Variants in CACNA2D3 observed in about 807,000 individuals in gnomAD.
The protein encoded by CACNA2D3 is calcium voltage-gated channel auxiliary subunit alpha2delta 3, also known as voltage-dependent calcium channel subunit alpha-2/delta-3.
In CACNA2D3, 60 loss-of-function variants were observed where a neutral mutation model predicts 160.6. The observed-to-expected ratio is 0.37, with a 90% CI of 0.30 to 0.46. The LOEUF is 0.46. Among genes scored for constraint, CACNA2D3 ranks in the 20% least tolerant of loss-of-function variants. The pLI is 1.00. For missense variants in CACNA2D3, 1,205 were observed against 1,365.0 expected (o/e 0.88, Z 1.85); for synonymous variants, 558 against 492.9 (o/e 1.13, Z -1.75).
intron 3 of CACNA2D3, among the ~76,000 whole-genome samples, chr3:54,324,285 A>G (rs1237586401): frequency 6.6e-6 from 1 of 152,098 alleles, no homozygotes; most frequent in African/African-American, 2.4e-5. Flanking sequence ...CTCATCTCCT[A>G]TTTGAATTAC....
At chr3:54,618,095 T>C (rs1698895141) in intron 9 of CACNA2D3, among the ~76,000 whole-genome samples, 1 of 151,884 alleles carries the variant, frequency 6.6e-6, no homozygotes, top group Non-Finnish European at 1.5e-5. Flanking sequence ...GCCTACTATA[T>C]GCTGAACTCT....
chr3:54,842,631 G>T, intron 16 of CACNA2D3, among the ~76,000 whole-genome samples: 1 of 135,764 alleles, frequency 7.4e-6, no homozygotes, highest in African/African-American at 2.8e-5. Flanking sequence ...GACAGGGTCT[G>T]GCTCTGTCAC....
At chr3:54,536,161 A>G (rs188352412) in intron 5 of CACNA2D3, among the ~76,000 whole-genome samples, 8 of 152,256 alleles carry the variant, frequency 5.3e-5, no homozygotes, top group African/African-American at 1.9e-4. Context: ...CTCTAATCCT[A>G]TGATATAGAG....
chr3:54,348,064 A>T (rs1164662877), intron 3 of CACNA2D3, among the ~76,000 whole-genome samples: 1 of 152,194 alleles, frequency 6.6e-6, no homozygotes, highest in Non-Finnish European at 1.5e-5. Context: ...GAATTCTGAG[A>T]TTATTCTGCT....
intron 4 of CACNA2D3, among the ~76,000 whole-genome samples, chr3:54,450,224 C>T (rs898476307): frequency 2.6e-5 from 4 of 152,092 alleles, no homozygotes; most frequent in South Asian, 4.1e-4. Context: ...TGGTTCTAAA[C>T]GATAGAATTC....
intron 2 of CACNA2D3, among the ~76,000 whole-genome samples, chr3:54,127,579 C>G (rs1203008778): frequency 6.6e-6 from 1 of 152,164 alleles, no homozygotes; most frequent in Non-Finnish European, 1.5e-5. Context: ...CGCTGTTTTG[C>G]TAACATTTTG....
rs41277453 is a variant in CACNA2D3, at chr3:54,837,225, G to A, written c.1465G>A (p.Glu489Lys). ...VAMPVFSKQN[E>K]TRSKGILLGV... ...CATGCCTGTGTTTAGTAAGCAGAAC[G>A]AAACCGTGAGTACAGTCGCTGAGCT... The change falls in exon 15 of 38, where the codon GAA (glutamate) becomes AAA (lysine). Residue 489 changes from glutamate (E) to lysine (K), a missense_variant. Glu to Lys is a moderately conservative substitution (Grantham distance 56, BLOSUM62 1). This residue lies in a region of CACNA2D3 where 911 missense variants were observed against 1,002.2 expected (regional missense o/e 0.91). Coordinates refer to ENST00000474759, the MANE Select transcript of CACNA2D3 (RefSeq NM_018398.3). 312 of 1,613,782 alleles carry A rather than the reference G, an allele frequency of 1.9e-4. No individual in the cohort carries two copies. Among genetic ancestry groups the A allele is most frequent in the Non-Finnish European group, 2.3e-4 (269 of 1,179,696 alleles).
intron 2 of CACNA2D3, among the ~76,000 whole-genome samples, chr3:54,191,889 G>A (rs544638365): frequency 6.6e-6 from 1 of 152,298 alleles, no homozygotes; most frequent in East Asian, 1.9e-4. Flanking sequence ...TGCTGTTGTT[G>A]ATTATATTGC....
At chr3:54,433,394 T>A (rs1022192244) in intron 4 of CACNA2D3, among the ~76,000 whole-genome samples, 1 of 152,240 alleles carries the variant, frequency 6.6e-6, no homozygotes, top group Non-Finnish European at 1.5e-5. Context: ...AGAGCTTTCA[T>A]CTTCAGATAT....
At chr3:54,417,367 C>T (rs1352673679) in intron 4 of CACNA2D3, among the ~76,000 whole-genome samples, 2 of 152,112 alleles carry the variant, frequency 1.3e-5, no homozygotes, top group Non-Finnish European at 2.9e-5. Context: ...TCTTTAGTAG[C>T]CAGAGATTCT....
chr3:54,977,024 T>A (rs552044475), intron 29 of CACNA2D3, among the ~76,000 whole-genome samples: 2 of 152,334 alleles, frequency 1.3e-5, no homozygotes, highest in African/African-American at 4.8e-5. Context: ...GTTTATTTTT[T>A]AAATAAATTT....
At chr3:54,159,956 A>ATTC (rs1700312636) in intron 2 of CACNA2D3, among the ~76,000 whole-genome samples, 1 of 152,224 alleles carries the variant, frequency 6.6e-6, no homozygotes, top group Non-Finnish European at 1.5e-5. Flanking sequence ...AATTATTATT[A>ATTC]TTTTATAAAT....
rs1054862771 is a variant in CACNA2D3 at position 54,245,931 on chromosome 3, T to A, written c.205-74511T>A. 3.3e-5 allele frequency among the ~76,000 whole-genome samples: 5 copies of A among 152,252 alleles called. No homozygotes were observed. In the East Asian group the frequency reaches 9.6e-4, roughly 29 times the overall value. ...TGGTAGTCCCTGGAGTTCCAAGCAA[T>A]CTGCCCACTTAGGCCTCCCTAGGTG... On this transcript the variant is annotated intron_variant, in intron 2 of 37. Coordinates refer to ENST00000474759, the MANE Select transcript of CACNA2D3 (RefSeq NM_018398.3).
chr3:54,125,963 A>T (rs1467313604), intron 2 of CACNA2D3, among the ~76,000 whole-genome samples: 1 of 152,230 alleles, frequency 6.6e-6, no homozygotes, highest in Non-Finnish European at 1.5e-5. Context: ...TTTCAAAATG[A>T]GTTAGAAAAT....
intron 12 of CACNA2D3, among the ~76,000 whole-genome samples, chr3:54,760,516 G>A (rs565519416): frequency 1.3e-5 from 2 of 152,236 alleles, no homozygotes; most frequent in East Asian, 1.9e-4. Flanking sequence ...ATAAGCTATT[G>A]TAGGATTTCA....
At chr3:54,557,852 G>A (rs1702264012) in intron 5 of CACNA2D3, among the ~76,000 whole-genome samples, 1 of 152,210 alleles carries the variant, frequency 6.6e-6, no homozygotes, top group Admixed American at 6.5e-5. Context: ...GCTATGATAG[G>A]GTTTATTACA....
At chr3:55,068,698 C>A (rs763274421) in intron 35 of CACNA2D3, among the ~76,000 whole-genome samples, 9 of 151,966 alleles carry the variant, frequency 5.9e-5, no homozygotes, top group Non-Finnish European at 1.0e-4. Flanking sequence ...CACCCTGTCA[C>A]CTGGTGCCAA....
In CACNA2D3 at chr3:54,969,850, A is replaced by G; in HGVS notation, c.2556+6A>G. The G allele has an allele frequency of 5.0e-6, 8 of 1,613,000 alleles. No individual in the cohort carries two copies. The highest frequency in any genetic ancestry group is 1.3e-5 in the African/African-American group (1 of 74,950). ...CCATCAGCTGTGATGATGAGGTAAG[A>G]CGGCCTCCTGGTCCTGTTTCTACCC... On this transcript the variant is annotated splice_donor_region_variant and intron_variant, in intron 29 of 37. Transcript: ENST00000474759.
At chr3:55,032,034 C>G (rs1470280085) in intron 35 of CACNA2D3, among the ~76,000 whole-genome samples, 1 of 152,162 alleles carries the variant, frequency 6.6e-6, no homozygotes, top group Non-Finnish European at 1.5e-5. Context: ...TATATGATTA[C>G]TGTTTATCGA....
Sources: gnomAD v4.1 joint callset for allele counts (sites outside exome capture counted in the v4.1 genomes callset) on GRCh38, gnomAD v4.1.1 for gene constraint, gnomAD v4.1.1 regional missense constraint, MANE v1.5 for transcripts, NCBI Gene and HGNC (gene_info 2026-07-23, HGNC 2026-07-21) for gene names.